Variants in CHST11 observed in about 807,000 individuals in gnomAD.
CHST11 encodes carbohydrate sulfotransferase 11.
In CHST11, 9 loss-of-function variants were observed where a neutral mutation model predicts 30.4. The observed-to-expected ratio is 0.30, with a 90% CI of 0.18 to 0.52. The LOEUF (loss-of-function observed/expected upper bound fraction) is 0.52. Ranked by LOEUF, CHST11 falls within the 20% of genes least tolerant of loss-of-function variation. The pLI, the probability that CHST11 is intolerant of heterozygous loss-of-function variation, is 0.97. For missense variants in CHST11, 348 were observed against 460.6 expected (o/e 0.76, Z 2.24); for synonymous variants, 152 against 187.8 (o/e 0.81, Z 1.56).
At chr12:104,542,860 A>G (rs1476766863) in intron 1 of CHST11, among the ~76,000 whole-genome samples, 2 of 152,032 alleles carry the variant, frequency 1.3e-5, no homozygotes, top group African/African-American at 4.8e-5. Context: ...ACATTTTAGG[A>G]CCCCCAAGGG....
intron 2 of CHST11, among the ~76,000 whole-genome samples, chr12:104,709,479 C>T (rs868819636): frequency 6.6e-6 from 1 of 152,220 alleles, no homozygotes; most frequent in African/African-American, 2.4e-5. Context: ...GGAGATTTCT[C>T]TGCCAGCTCT....
intron 1 of CHST11, among the ~76,000 whole-genome samples, chr12:104,475,250 A>G (rs1335006696): frequency 6.6e-6 from 1 of 152,172 alleles, no homozygotes; most frequent in East Asian, 1.9e-4. Flanking sequence ...AGACAAATCT[A>G]AATAAGACTT....
intron 1 of CHST11, chr12:104,514,035 A>C: frequency 1.2e-6 from 1 of 859,004 alleles, no homozygotes; most frequent in Non-Finnish European, 2.0e-6. Context: ...AAAAATGCAG[A>C]CCCCCGGGGC....
intron 2 of CHST11, among the ~76,000 whole-genome samples, chr12:104,742,308 C>T (rs1353392355): frequency 6.6e-6 from 1 of 152,044 alleles, no homozygotes; most frequent in Non-Finnish European, 1.5e-5. Flanking sequence ...GGAGGCAAGC[C>T]CCTGCCTCCC....
At position 104,757,072 on chromosome 12, in the gene CHST11, T is replaced by A. The variant is rs2136149837; in HGVS notation, c.328T>A (p.Leu110Met). The change falls in exon 3 of 3, where the codon TTG becomes ATG. Residue 110 changes from leucine (L) to methionine (M), a missense_variant. By Grantham distance (15) the Leu-to-Met change is conservative. This residue lies in a region of CHST11 where 135 missense variants were observed against 155.8 expected (regional missense o/e 0.87). Coordinates refer to ENST00000303694, the MANE Select transcript of CHST11 (RefSeq NM_018413.6). This position sits in a 1 kb window ranked among gnomAD's most constrained non-coding sequence, Gnocchi z 6.5. ...GCTGACCCCCAACGACCTGAAGCAC[T>A]TGGTGGTGGATGAGGACCACGAGCT... ...RVLTPNDLKH[L>M]VVDEDHELIY... The A allele has an allele frequency of 6.2e-7, 1 of 1,613,984 alleles. No homozygotes were observed. Among genetic ancestry groups the A allele is most frequent in the East Asian group, 2.2e-5 (1 of 44,840 alleles).
intron 1 of CHST11, among the ~76,000 whole-genome samples, chr12:104,466,523 C>G (rs1302161303): frequency 1.3e-5 from 2 of 152,218 alleles, no homozygotes; most frequent in African/African-American, 4.8e-5. Flanking sequence ...AAGATGGCCT[C>G]TCTGCCCCAC....
chr12:104,742,768 T>C (rs773380563), intron 2 of CHST11, among the ~76,000 whole-genome samples: 1 of 152,214 alleles, frequency 6.6e-6, no homozygotes, highest in Non-Finnish European at 1.5e-5. Flanking sequence ...GGGCAGCCCT[T>C]GGCGCCCTCC....
At chr12:104,618,506 A>G (rs1056383941) in intron 2 of CHST11, among the ~76,000 whole-genome samples, 2 of 152,080 alleles carry the variant, frequency 1.3e-5, no homozygotes, top group Non-Finnish European at 2.9e-5. Context: ...AAGTGCTGGG[A>G]TTATTGACAT....
rs1220582094 is a variant in CHST11, at chr12:104,655,047, C to CT, written c.204+53057dup. Among the ~76,000 whole-genome samples the CT allele has an allele frequency of 1.6e-4, 25 of 152,360 alleles. No individual in the cohort carries two copies. In the East Asian group the frequency reaches 4.6e-3, roughly 28 times the overall value. On this transcript the variant is annotated intron_variant, in intron 2 of 2. Coordinates refer to ENST00000303694, the MANE Select transcript of CHST11 (RefSeq NM_018413.6). Reference sequence around the variant, plus strand: ...TTGCATGTGTGTCTTGGATCTCTGTCTGTCTGTGTCTCTCTTATCTCTTCA... The same window carrying CT: ...TTGCATGTGTGTCTTGGATCTCTGTCTTGTCTGTGTCTCTCTTATCTCTTCA...
At chr12:104,675,599 C>CTTTG (rs1421421369) in intron 2 of CHST11, among the ~76,000 whole-genome samples, 4 of 152,186 alleles carry the variant, frequency 2.6e-5, no homozygotes, top group African/African-American at 9.7e-5. Context: ...GTGCCAAGTG[C>CTTTG]TTTGTTTGGA....
At chr12:104,657,211 T>A (rs764841842) in intron 2 of CHST11, among the ~76,000 whole-genome samples, 1 of 152,228 alleles carries the variant, frequency 6.6e-6, no homozygotes, top group Non-Finnish European at 1.5e-5. Flanking sequence ...TTCAATCCAC[T>A]ATTTGCATGT....
intron 2 of CHST11, among the ~76,000 whole-genome samples, chr12:104,689,041 T>A (rs985020012): frequency 2.0e-5 from 3 of 152,256 alleles, no homozygotes; most frequent in African/African-American, 7.2e-5. Flanking sequence ...ATTCTTTCTA[T>A]ATACACACAT....
At chr12:104,592,834 G>T (rs564766479) in intron 1 of CHST11, among the ~76,000 whole-genome samples, 1 of 152,306 alleles carries the variant, frequency 6.6e-6, no homozygotes, top group South Asian at 2.1e-4. Flanking sequence ...TCGGAAGTAG[G>T]CATGCTGTCT....
At chr12:104,491,677 T>A (rs80025469) in intron 1 of CHST11, among the ~76,000 whole-genome samples, 3,594 of 152,186 alleles carry the variant, frequency 0.024, 151 homozygotes, top group African/African-American at 0.083. Context: ...AGTGTCTTGC[T>A]ATGTTCCCAG....
intron 2 of CHST11, among the ~76,000 whole-genome samples, chr12:104,726,588 C>T (rs1212350142): frequency 6.6e-6 from 1 of 152,094 alleles, no homozygotes; most frequent in Non-Finnish European, 1.5e-5. Context: ...TCCTCCCCTC[C>T]TCTCCCCCAA....
At chr12:104,562,173 C>T (rs943496794) in intron 1 of CHST11, among the ~76,000 whole-genome samples, 3 of 152,082 alleles carry the variant, frequency 2.0e-5, no homozygotes, top group Admixed American at 6.6e-5. Context: ...CACTGTCATC[C>T]ACCCGAAATG....
At chr12:104,535,597 C>T (rs1483198791) in intron 1 of CHST11, among the ~76,000 whole-genome samples, 2 of 152,114 alleles carry the variant, frequency 1.3e-5, no homozygotes, top group East Asian at 1.9e-4. Flanking sequence ...TTGCAAATAT[C>T]TTCTCCTCTC....
rs922192603 is a variant in CHST11 at position 104,458,725 on chromosome 12, A to G, written c.118+1196A>G. ...GAGTTGCCTTTCTCAGCGTAGTCAC[A>G]GCAATAATTTGCTTTTCTAATTGCA... On this transcript the variant is annotated intron_variant, in intron 1 of 2. Coordinates refer to ENST00000303694, the MANE Select transcript of CHST11 (RefSeq NM_018413.6). The surrounding 1 kb of genome is among the most constrained non-coding windows in gnomAD (Gnocchi z 5.7). 2.0e-5 allele frequency among the ~76,000 whole-genome samples: 3 copies of G among 152,254 alleles called. No individual in the cohort carries two copies. Among genetic ancestry groups the G allele is most frequent in the African/African-American group, 7.2e-5 (3 of 41,464 alleles).
intron 2 of CHST11, among the ~76,000 whole-genome samples, chr12:104,671,032 G>A (rs1271961494): frequency 6.6e-6 from 1 of 152,234 alleles, no homozygotes; most frequent in Non-Finnish European, 1.5e-5. Context: ...CAGGTGAGAA[G>A]CCCTAAGATC....
Sources: allele counts gnomAD v4.1 joint callset (sites outside exome capture counted in the v4.1 genomes callset), GRCh38; gene constraint gnomAD v4.1.1; regional missense constraint gnomAD v4.1.1; non-coding constraint Gnocchi (gnomAD v3.1); transcripts MANE v1.5; gene names NCBI Gene and HGNC (gene_info 2026-07-23, HGNC 2026-07-21).